Variants in PTK2 observed in about 807,000 individuals in gnomAD.
PTK2 encodes focal adhesion kinase 1.
A neutral mutation model predicts 150.1 loss-of-function variants in PTK2; 45 were observed. The observed-to-expected ratio is 0.30, with a 90% CI of 0.24 to 0.38. PTK2 has a LOEUF of 0.38. Among genes scored for constraint, PTK2 ranks in the 10% least tolerant of loss-of-function variants. PTK2 has a pLI of 1.00. For synonymous variants in PTK2, 432 were observed against 449.2 expected, an observed-to-expected ratio of 0.96 and a Z score of 0.48; for missense variants, 919 against 1,307.3, an observed-to-expected ratio of 0.70 and a Z score of 4.58.
chr8:140,873,094 T>C (rs756257287), intron 4 of PTK2, among the ~76,000 whole-genome samples: 21 of 152,354 alleles, frequency 1.4e-4, no homozygotes, highest in Non-Finnish European at 2.5e-4. Flanking sequence ...TAGCCTAGTA[T>C]AGAAACTAGA....
At chr8:140,908,911 C>T (rs2100162020) in intron 2 of PTK2, among the ~76,000 whole-genome samples, 1 of 152,116 alleles carries the variant, frequency 6.6e-6, no homozygotes, top group Admixed American at 6.6e-5. Context: ...CAGAATTTTT[C>T]CATAATAAAA....
chr8:140,673,258 C>G (rs549721954), intron 29 of PTK2, among the ~76,000 whole-genome samples: 2 of 152,092 alleles, frequency 1.3e-5, no homozygotes, highest in Admixed American at 6.5e-5. Flanking sequence ...CAGACATGCA[C>G]CACCACGCCC....
rs144647095 is a variant in PTK2 at position 140,894,639 on chromosome 8, G to A, written c.-32-3870C>T. Among the ~76,000 whole-genome samples the A allele has an allele frequency of 4.5e-3, 689 of 152,230 alleles. 4 individuals are homozygous for A. Among genetic ancestry groups the A allele is most frequent in the African/African-American group, 0.016 (649 of 41,540 alleles). On this transcript the variant is annotated intron_variant, in intron 2 of 31. Transcript: ENST00000522684. The stretch of plus-strand genomic sequence containing the variant: ...GTTAAAAACCCAAAGTGCAAATCAC[G>A]GCCACAGTATACCTTTTGAATAAAA...
intron 27 of PTK2, among the ~76,000 whole-genome samples, chr8:140,677,351 A>C (rs1264607286): frequency 6.6e-6 from 1 of 152,206 alleles, no homozygotes; most frequent in Non-Finnish European, 1.5e-5. Context: ...AGGCCAAGCC[A>C]GAGAAGCCAA....
At chr8:140,720,878 C>T (rs1290091415) in intron 22 of PTK2, among the ~76,000 whole-genome samples, 1 of 152,140 alleles carries the variant, frequency 6.6e-6, no homozygotes, top group Non-Finnish European at 1.5e-5. Flanking sequence ...CTCAGCCTCC[C>T]AAGTAGCTGG....
intron 1 of PTK2, among the ~76,000 whole-genome samples, chr8:140,951,508 G>A (rs570714260): frequency 6.6e-6 from 1 of 152,176 alleles, no homozygotes; most frequent in Non-Finnish European, 1.5e-5. Flanking sequence ...CTGGTTATGA[G>A]GTTATTTTCC....
intron 1 of PTK2, among the ~76,000 whole-genome samples, chr8:140,970,985 C>T (rs1569524381): frequency 1.3e-5 from 2 of 151,936 alleles, no homozygotes; most frequent in East Asian, 3.8e-4. Context: ...ATAACAACAT[C>T]AATGTCAGTC....
At chr8:140,882,884 T>C (rs1184679484) in intron 3 of PTK2, among the ~76,000 whole-genome samples, 1 of 152,200 alleles carries the variant, frequency 6.6e-6, no homozygotes. Context: ...ATACCAATTA[T>C]ACTTGATGCA....
intron 8 of PTK2, chr8:140,821,587 CTG>C (rs1354827068): frequency 6.6e-6 from 1 of 152,232 alleles, no homozygotes; most frequent in Non-Finnish European, 1.5e-5. Flanking sequence ...GGATCTAAGT[CTG>C]GAGCTCAGGA....
At chr8:140,861,803 C>A (rs2100136263) in intron 5 of PTK2, among the ~76,000 whole-genome samples, 1 of 152,206 alleles carries the variant, frequency 6.6e-6, no homozygotes, top group South Asian at 2.1e-4. Flanking sequence ...GTATTCACTG[C>A]ATATTCCTTT....
At chr8:140,834,401 T>C (rs1271810386) in intron 7 of PTK2, among the ~76,000 whole-genome samples, 3 of 152,172 alleles carry the variant, frequency 2.0e-5, no homozygotes, top group African/African-American at 7.2e-5. Context: ...AGGAGACAGC[T>C]GTATGTTAAG....
At chr8:140,665,489 C>A (rs1319514326) in intron 30 of PTK2, among the ~76,000 whole-genome samples, 1 of 152,068 alleles carries the variant, frequency 6.6e-6, no homozygotes, top group Non-Finnish European at 1.5e-5. Context: ...TGCTTTGGAC[C>A]CCGTTCTGAA....
At chr8:140,767,257 TTTC>T (rs1447655435) in intron 14 of PTK2, among the ~76,000 whole-genome samples, 1 of 117,024 alleles carries the variant, frequency 8.5e-6, no homozygotes, top group Non-Finnish European at 1.9e-5. Flanking sequence ...TGTAAATTTC[TTTC>T]TTTTTTTTTT....
intron 7 of PTK2, among the ~76,000 whole-genome samples, chr8:140,835,087 T>C (rs1160366324): frequency 6.6e-6 from 1 of 152,182 alleles, no homozygotes; most frequent in Non-Finnish European, 1.5e-5. Context: ...GCCATCAGCA[T>C]TCCCCACTCA....
chr8:140,772,967 T>C (rs1447520352), intron 14 of PTK2, among the ~76,000 whole-genome samples: 3 of 152,216 alleles, frequency 2.0e-5, no homozygotes, highest in African/African-American at 4.8e-5. Context: ...AGTTTTCTTA[T>C]TGTAAAATGG....
intron 4 of PTK2, among the ~76,000 whole-genome samples, chr8:140,874,995 C>T (rs957559030): frequency 4.6e-5 from 7 of 152,128 alleles, no homozygotes; most frequent in Non-Finnish European, 1.0e-4. Flanking sequence ...AGATAAACAA[C>T]ACATATATAA....
exon 11 of PTK2, chr8:140,803,590 T>C (rs1183103173): frequency 1.2e-6 from 2 of 1,614,010 alleles, no homozygotes; most frequent in African/African-American, 2.7e-5. Flanking sequence ...TTTCTGTCCT[T>C]GTCTTCACTG....
intron 27 of PTK2, among the ~76,000 whole-genome samples, chr8:140,676,452 T>C (rs1294711976): frequency 1.3e-5 from 2 of 151,366 alleles, no homozygotes; most frequent in Non-Finnish European, 2.9e-5. Flanking sequence ...TGGGGATGGA[T>C]GCAGTAATGT....
At chr8:140,904,338 G>C (rs932262490) in intron 2 of PTK2, among the ~76,000 whole-genome samples, 3 of 152,178 alleles carry the variant, frequency 2.0e-5, no homozygotes, top group Non-Finnish European at 2.9e-5. Flanking sequence ...TGCATCCGAG[G>C]GATGAAGCCG....
Sources: allele counts gnomAD v4.1 joint callset (sites outside exome capture counted in the v4.1 genomes callset), GRCh38; gene constraint gnomAD v4.1.1; transcripts MANE v1.5; gene names NCBI Gene and HGNC (gene_info 2026-07-23, HGNC 2026-07-21).